The following METTL15 variants were observed in gnomAD, a reference collection of about 807,000 sequenced individuals.
METTL15 encodes the protein methyltransferase 15, mitochondrial 12S rRNA N4-cytidine, also known as 12S rRNA N(4)-cytidine methyltransferase METTL15.
METTL15 carries 34 observed loss-of-function variants against 38.3 expected under a neutral mutation model. That is an observed-to-expected ratio of 0.89 (90% CI 0.68 to 1.18). METTL15 has a LOEUF of 1.18. Among genes scored for constraint, METTL15 ranks in the 50% most tolerant of loss-of-function variants. METTL15 has a pLI of 0.00. For synonymous variants in METTL15, 162 were observed against 170.9 expected (o/e 0.95, Z 0.41); for missense variants, 438 against 498.4 (o/e 0.88, Z 1.15).
intron 3 of METTL15, among the ~76,000 whole-genome samples, chr11:28,157,467 A>G (rs1168165195): frequency 1.3e-5 from 2 of 152,136 alleles, no homozygotes; most frequent in African/African-American, 4.8e-5. Flanking sequence ...GTCACAGAGG[A>G]TGCCGCTAGG....
chr11:28,213,166 A>T (rs1209671769), intron 4 of METTL15, among the ~76,000 whole-genome samples: 1 of 152,192 alleles, frequency 6.6e-6, no homozygotes, highest in Non-Finnish European at 1.5e-5. Context: ...TACTTCACTG[A>T]CAAAATGATT....
intron 3 of METTL15, among the ~76,000 whole-genome samples, chr11:28,146,924 GAA>G (rs1456115403): frequency 6.6e-6 from 1 of 151,796 alleles, no homozygotes; most frequent in African/African-American, 2.4e-5. Flanking sequence ...GTATTTGAAA[GAA>G]AATATTTCAT....
intron 3 of METTL15, among the ~76,000 whole-genome samples, chr11:28,202,444 A>AC (rs1852152828): frequency 6.7e-6 from 1 of 149,878 alleles, no homozygotes; most frequent in Non-Finnish European, 1.5e-5. Context: ...TACATTGCTG[A>AC]TTTTTTTTTT....
chr11:28,200,957 G>T (rs183323845), intron 3 of METTL15, among the ~76,000 whole-genome samples: 1 of 152,066 alleles, frequency 6.6e-6, no homozygotes, highest in Non-Finnish European at 1.5e-5. Context: ...TAGGAGTGGT[G>T]AGAGGGCATC....
chr11:28,433,164 T>G (rs1307655458), intron 6 of METTL15, among the ~76,000 whole-genome samples: 4 of 106,656 alleles, frequency 3.8e-5, no homozygotes, highest in African/African-American at 8.2e-5. Flanking sequence ...TTTTGTTTTG[T>G]TTTTTTTGTT....
At chr11:28,511,810 G>A (rs1851676691) in intron 6 of METTL15, among the ~76,000 whole-genome samples, 1 of 152,224 alleles carries the variant, frequency 6.6e-6, no homozygotes, top group South Asian at 2.1e-4. Context: ...CTTCCACAGT[G>A]TGGAAGGGGA....
rs774943391 is a variant in METTL15 at position 28,305,164 on chromosome 11, A to G, written c.778+8233A>G. Among the ~76,000 whole-genome samples the G allele has an allele frequency of 3.9e-5, 6 of 152,302 alleles. No individual in the cohort carries two copies. In the South Asian group the frequency reaches 8.3e-4, roughly 21 times the overall value. Reference sequence around the variant, plus strand: ...CTTATTTTAATAAGTAATCCTTTCAAAAGACATTCTGTACATGAACTCCAA... The same window carrying G: ...CTTATTTTAATAAGTAATCCTTTCAGAAGACATTCTGTACATGAACTCCAA... On this transcript the variant is annotated intron_variant, in intron 6 of 6. Transcript: ENST00000407364.
chr11:28,384,203 T>G (rs1438963161), intron 5 of METTL15, among the ~76,000 whole-genome samples: 1 of 152,174 alleles, frequency 6.6e-6, no homozygotes, highest in East Asian at 1.9e-4. Context: ...CTTTATTCAA[T>G]CCACCATTAA....
At position 28,123,966 on chromosome 11, in the gene METTL15, G is replaced by A. The variant is rs1241301261; in HGVS notation, c.270+10362G>A. On this transcript the variant is annotated intron_variant, in intron 3 of 6. Coordinates refer to ENST00000407364, the MANE Select transcript of METTL15 (RefSeq NM_001113528.2). Reference sequence around the variant, plus strand: ...GAAGATTATTAATAATAACAACATAGAGTTGTATAAGATTTTACTGTTTAT... The same window carrying A: ...GAAGATTATTAATAATAACAACATAAAGTTGTATAAGATTTTACTGTTTAT... 2.4e-5 allele frequency: 24 copies of A among 1,009,700 alleles called. No individual in the cohort carries two copies. The East Asian group carries it at 6.3e-4, about 26-fold the overall frequency. 62.5% of individuals were successfully genotyped at this position (1,009,700 alleles called of 1,614,324 possible). A position where few individuals can be genotyped will look rare whatever the true frequency, so the allele number is the denominator to read the frequency against.
intron 5 of METTL15, chr11:28,398,977 G>A (rs7104616): frequency 0.57 from 85,986 of 151,734 alleles, 25,455 homozygotes; most frequent in East Asian, 0.74. Context: ...CCAAAAAAGG[G>A]CCCATATAGC....
chr11:28,264,302 A>G (rs929208435), intron 4 of METTL15, among the ~76,000 whole-genome samples: 2 of 152,132 alleles, frequency 1.3e-5, no homozygotes, highest in East Asian at 1.9e-4. Flanking sequence ...TTTACATTTG[A>G]TAATCCTTAT....
At chr11:28,208,199 G>T (rs1852450790) in intron 3 of METTL15, among the ~76,000 whole-genome samples, 1 of 152,112 alleles carries the variant, frequency 6.6e-6, no homozygotes. Context: ...TAATTGTGAT[G>T]TTAGGGTGTC....
At chr11:28,319,886 C>A (rs1010386739) in intron 6 of METTL15, among the ~76,000 whole-genome samples, 1 of 152,158 alleles carries the variant, frequency 6.6e-6, no homozygotes, top group Admixed American at 6.5e-5. Flanking sequence ...ACAACAGATA[C>A]ATTGGTGTTT....
intron 4 of METTL15, among the ~76,000 whole-genome samples, chr11:28,287,009 CTATA>C (rs35117728): frequency 3.7e-4 from 55 of 147,852 alleles, no homozygotes; most frequent in African/African-American, 1.1e-3. Flanking sequence ...ATTCTCCACA[CTATA>C]TATATATATA....
At chr11:28,384,602 A>T (rs577112475) in intron 5 of METTL15, among the ~76,000 whole-genome samples, 7 of 152,002 alleles carry the variant, frequency 4.6e-5, no homozygotes, top group Non-Finnish European at 1.0e-4. Flanking sequence ...GAGCCACCAC[A>T]CCCAGCCACA....
intron 3 of METTL15, among the ~76,000 whole-genome samples, chr11:28,124,360 T>A (rs182228110): frequency 1.3e-5 from 2 of 152,242 alleles, no homozygotes; most frequent in Admixed American, 1.3e-4. Context: ...CTCAGTCATT[T>A]GGAGCACGTT....
chr11:28,375,749 T>C (rs1811893731), intron 5 of METTL15, among the ~76,000 whole-genome samples: 1 of 152,114 alleles, frequency 6.6e-6, no homozygotes, highest in Admixed American at 6.6e-5. Context: ...GTTCTTTTAA[T>C]TGTGATGTTA....
In METTL15 at chr11:28,330,386, T is replaced by C. The variant is rs992685799; in HGVS notation, c.779-10T>C. 4 of 1,527,288 alleles carry C rather than the reference T, an allele frequency of 2.6e-6. No individual in the cohort carries two copies. In the African/African-American group the frequency reaches 4.2e-5, roughly 16 times the overall value. The allele number at this position is 1,527,288 out of a possible 1,614,324, so 94.6% of individuals were successfully genotyped here. On this transcript the variant is annotated splice_polypyrimidine_tract_variant and intron_variant, in intron 6 of 6. Transcript: ENST00000407364. ...GTCTTCTTTTCCTATCTTTACAACA[T>C]TTGTTTTAGGAGCATTTCCTCCCTC...
intron 6 of METTL15, among the ~76,000 whole-genome samples, chr11:28,448,837 T>C (rs1477165915): frequency 2.1e-5 from 3 of 139,784 alleles, no homozygotes. Context: ...AAGCTCCAGG[T>C]CATTGAAAAT....
Sources: allele counts gnomAD v4.1 joint callset (sites outside exome capture counted in the v4.1 genomes callset), GRCh38; gene constraint gnomAD v4.1.1; transcripts MANE v1.5; gene names NCBI Gene and HGNC (gene_info 2026-07-23, HGNC 2026-07-21).